The following CDH8 variants were observed in gnomAD, a reference collection of about 807,000 sequenced individuals.
CDH8 encodes cadherin 8, also known as cadherin-8.
Under a neutral mutation model 68.1 loss-of-function variants are expected in CDH8, and 17 were observed. The observed-to-expected ratio is 0.25, with a 90% CI of 0.17 to 0.37. The LOEUF (loss-of-function observed/expected upper bound fraction) is 0.37, where lower values mean the gene tolerates loss of function less well. Among genes scored for constraint, CDH8 ranks in the 10% least tolerant of loss-of-function variants. The pLI, the probability that CDH8 is intolerant of heterozygous loss-of-function variation, is 1.00. For synonymous variants in CDH8, 372 were observed against 365.1 expected (o/e 1.02, Z -0.21); for missense variants, 763 against 999.3 (o/e 0.76, Z 3.19).
intron 10 of CDH8, among the ~76,000 whole-genome samples, chr16:61,681,067 T>C (rs1964004218): frequency 6.6e-6 from 1 of 151,930 alleles, no homozygotes; most frequent in Non-Finnish European, 1.5e-5. Flanking sequence ...CACTCTTACA[T>C]TGCTTTCAAG....
chr16:61,756,204 A>G (rs1366832973), intron 8 of CDH8, among the ~76,000 whole-genome samples: 6 of 152,180 alleles, frequency 3.9e-5, no homozygotes. Flanking sequence ...TTTAAAATAT[A>G]TAATACAAGC....
intron 1 of CDH8, among the ~76,000 whole-genome samples, chr16:62,022,004 G>T (rs1470519516): frequency 6.6e-6 from 1 of 151,680 alleles, no homozygotes; most frequent in Non-Finnish European, 1.5e-5. Flanking sequence ...CAGCCCACTT[G>T]TCGAACACAC....
At chr16:61,864,299 TTGG>T (rs1197557831) in intron 3 of CDH8, among the ~76,000 whole-genome samples, 3 of 100,584 alleles carry the variant, frequency 3.0e-5, no homozygotes, top group African/African-American at 1.2e-4. Flanking sequence ...GTCCGGTTGG[TTGG>T]TTGGTTGGTT....
At chr16:61,984,583 C>T (rs922408241) in intron 2 of CDH8, among the ~76,000 whole-genome samples, 3 of 151,898 alleles carry the variant, frequency 2.0e-5, no homozygotes, top group South Asian at 4.1e-4. Context: ...CACCATCACA[C>T]CTATATTCTA....
intron 10 of CDH8, among the ~76,000 whole-genome samples, chr16:61,702,506 T>A (rs919939193): frequency 6.6e-6 from 1 of 152,186 alleles, no homozygotes; most frequent in Non-Finnish European, 1.5e-5. Context: ...ATGATTGATA[T>A]ATAGTTGCTG....
chr16:61,966,042 T>C (rs1192445728), intron 2 of CDH8, among the ~76,000 whole-genome samples: 1 of 152,192 alleles, frequency 6.6e-6, no homozygotes, highest in East Asian at 1.9e-4. Flanking sequence ...TTGCAAGATT[T>C]AGGAAGAAAT....
intron 2 of CDH8, among the ~76,000 whole-genome samples, chr16:61,988,539 G>C (rs948052583): frequency 6.6e-6 from 1 of 152,034 alleles, no homozygotes; most frequent in African/African-American, 2.4e-5. Flanking sequence ...CCACTTCTCA[G>C]GGCCAGTCTC....
chr16:61,879,026 C>T (rs1963516455), intron 3 of CDH8, among the ~76,000 whole-genome samples: 1 of 152,054 alleles, frequency 6.6e-6, no homozygotes, highest in South Asian at 2.1e-4. Context: ...TTATTTGCCC[C>T]CATGTCCTGC....
At chr16:61,956,552 C>A (rs1398163494) in intron 2 of CDH8, among the ~76,000 whole-genome samples, 1 of 152,108 alleles carries the variant, frequency 6.6e-6, no homozygotes, top group African/African-American at 2.4e-5. Flanking sequence ...GCAAATTAAG[C>A]CTAATATGCA....
At chr16:61,781,700 T>C (rs1270488890) in intron 8 of CDH8, among the ~76,000 whole-genome samples, 1 of 152,220 alleles carries the variant, frequency 6.6e-6, no homozygotes, top group African/African-American at 2.4e-5. Flanking sequence ...ACTGGATTTT[T>C]TTGAGCTTTT....
intron 2 of CDH8, among the ~76,000 whole-genome samples, chr16:62,005,992 G>T (rs988060467): frequency 3.9e-5 from 6 of 152,182 alleles, no homozygotes; most frequent in African/African-American, 1.4e-4. Flanking sequence ...ACCTGGAACT[G>T]CAGTGTTAAT....
intron 2 of CDH8, among the ~76,000 whole-genome samples, chr16:62,004,184 C>T (rs1965937020): frequency 6.6e-6 from 1 of 152,086 alleles, no homozygotes; most frequent in Admixed American, 6.6e-5. Flanking sequence ...ATATTTAGTC[C>T]CCACTCAGTG....
At chr16:61,747,551 T>C (rs1960054325) in intron 8 of CDH8, among the ~76,000 whole-genome samples, 1 of 152,040 alleles carries the variant, frequency 6.6e-6, no homozygotes, top group African/African-American at 2.4e-5. Flanking sequence ...AGCAACAAGC[T>C]TATTCCAAAA....
chr16:61,976,034 T>C (rs1199309383), intron 2 of CDH8, among the ~76,000 whole-genome samples: 1 of 152,176 alleles, frequency 6.6e-6, no homozygotes, highest in Non-Finnish European at 1.5e-5. Context: ...AACATAAACA[T>C]AATTGACTGA....
intron 8 of CDH8, among the ~76,000 whole-genome samples, chr16:61,738,553 T>C (rs1390484703): frequency 6.6e-6 from 1 of 152,208 alleles, no homozygotes; most frequent in Non-Finnish European, 1.5e-5. Context: ...CATAGCCTTT[T>C]AATCTTAGAT....
chr16:61,832,952 T>C (rs11864681), intron 4 of CDH8, among the ~76,000 whole-genome samples: 4,436 of 151,752 alleles, frequency 0.029, 211 homozygotes, highest in African/African-American at 0.1. Flanking sequence ...CCTTTTTTCA[T>C]CTGTCTATAA....
chr16:61,768,874 T>C (rs1368427187), intron 8 of CDH8, among the ~76,000 whole-genome samples: 1 of 151,812 alleles, frequency 6.6e-6, no homozygotes, highest in Non-Finnish European at 1.5e-5. Context: ...ATTGAGAAAA[T>C]AAATAACTTT....
intron 4 of CDH8, among the ~76,000 whole-genome samples, chr16:61,830,102 T>C (rs1436376): frequency 0.54 from 82,387 of 151,734 alleles, 24,927 homozygotes; most frequent in African/African-American, 0.83. Context: ...TTTTCTCCTG[T>C]TTTGGCTAAC....
intron 8 of CDH8, among the ~76,000 whole-genome samples, chr16:61,730,416 C>A (rs117492518): frequency 0.023 from 3,535 of 151,490 alleles, 71 homozygotes; most frequent in Non-Finnish European, 0.035. Context: ...CAATTATCAT[C>A]TTTCTTGTGT....
Sources: allele counts gnomAD v4.1 joint callset (sites outside exome capture counted in the v4.1 genomes callset), GRCh38; gene constraint gnomAD v4.1.1; transcripts MANE v1.5; gene names NCBI Gene and HGNC (gene_info 2026-07-23, HGNC 2026-07-21).